Variants in ANK3 observed in about 807,000 individuals in gnomAD.
ANK3 encodes the protein ankyrin-3.
Under a neutral mutation model 370.9 loss-of-function variants are expected in ANK3, and 57 were observed. That is an observed-to-expected ratio of 0.15 (90% CI 0.12 to 0.19). The LOEUF (loss-of-function observed/expected upper bound fraction) is 0.19. Among genes scored for constraint, ANK3 ranks in the 10% least tolerant of loss-of-function variants. ANK3 has a pLI of 1.00. For synonymous variants in ANK3, 1,929 were observed against 1,946.3 expected (o/e 0.99, Z 0.23); for missense variants, 4,439 against 5,302.1 (o/e 0.84, Z 5.06).
chr10:60,620,051 GA>G (rs945095322), intron 1 of ANK3, among the ~76,000 whole-genome samples: 1 of 152,090 alleles, frequency 6.6e-6, no homozygotes, highest in African/African-American at 2.4e-5. Flanking sequence ...CCAGGAATGG[GA>G]ATTATAATAT....
chr10:60,730,501 A>G lies in ANK3; in HGVS notation c.57+2762T>C, dbSNP rs573915511. On this transcript the variant is annotated intron_variant, in intron 1 of 43. Coordinates refer to the ANK3 transcript ENST00000373827. ...ATAACTAATAACAGCTGATCTTTTAATACTTAAAACACATGTCTAGGAGAA... is the reference window on the plus strand; with the variant it reads ...ATAACTAATAACAGCTGATCTTTTAGTACTTAAAACACATGTCTAGGAGAA... 5.9e-5 allele frequency among the ~76,000 whole-genome samples: 9 copies of G among 152,338 alleles called. No individual in the cohort carries two copies. In the South Asian group the frequency reaches 1.7e-3, roughly 28 times the overall value.
chr10:60,108,758 T>G, intron 27 of ANK3, 72 bp downstream of exon 27: 246 of 1,316,644 alleles, frequency 1.9e-4, no homozygotes, highest in Non-Finnish European at 2.4e-4. Context: ...GTTATCTCCT[T>G]GAGTTAACAA....
intron 1 of ANK3, among the ~76,000 whole-genome samples, chr10:60,673,829 G>A (rs997432248): frequency 2.0e-5 from 3 of 152,164 alleles, no homozygotes; most frequent in Non-Finnish European, 4.4e-5. Context: ...TACAATGGGG[G>A]AAGGAAGAAT....
At chr10:60,418,487 G>C (rs2063714677) in intron 2 of ANK3, among the ~76,000 whole-genome samples, 1 of 151,946 alleles carries the variant, frequency 6.6e-6, no homozygotes, top group Admixed American at 6.6e-5. Context: ...TATATTTCTT[G>C]AGGAAAAGTG....
At chr10:60,051,666 T>A in intron 42 of ANK3, 12 of 278,528 alleles carry the variant, frequency 4.3e-5, no homozygotes, top group Non-Finnish European at 6.4e-5. Context: ...GTTTTCTTCT[T>A]TTTTTTTTTT....
chr10:60,530,605 C>G (rs546800374), intron 2 of ANK3, among the ~76,000 whole-genome samples: 50 of 152,222 alleles, frequency 3.3e-4, no homozygotes, highest in African/African-American at 1.2e-3. Context: ...GCCCTATGTG[C>G]CTTCCTCACC....
At chr10:60,663,199 C>G (rs1036751957) in intron 1 of ANK3, among the ~76,000 whole-genome samples, 1 of 152,140 alleles carries the variant, frequency 6.6e-6, no homozygotes, top group Non-Finnish European at 1.5e-5. Context: ...TCTTGGCCAC[C>G]AGGAGGTTTG....
intron 1 of ANK3, among the ~76,000 whole-genome samples, chr10:60,340,357 C>G (rs1331075395): frequency 6.6e-6 from 1 of 152,136 alleles, no homozygotes; most frequent in African/African-American, 2.4e-5. Context: ...CTTCAGCCTC[C>G]TAAGTAGCTG....
intron 26 of ANK3, among the ~76,000 whole-genome samples, chr10:60,111,383 G>C (rs1457856635): frequency 6.6e-6 from 1 of 152,004 alleles, no homozygotes; most frequent in Non-Finnish European, 1.5e-5. Flanking sequence ...GAGGAAAAGT[G>C]GGACTATTCA....
intron 8 of ANK3, among the ~76,000 whole-genome samples, chr10:60,219,489 T>A (rs534000930): frequency 6.6e-6 from 1 of 152,258 alleles, no homozygotes; most frequent in South Asian, 2.1e-4. Flanking sequence ...TTTGCACCCT[T>A]GGGCAATGTG....
chr10:60,223,294 C>T (rs1179285072), intron 8 of ANK3, among the ~76,000 whole-genome samples: 1 of 152,172 alleles, frequency 6.6e-6, no homozygotes, highest in Non-Finnish European at 1.5e-5. Flanking sequence ...ATTTACTGAC[C>T]TCAACCCTAC....
intron 25 of ANK3, among the ~76,000 whole-genome samples, chr10:60,118,407 G>A (rs781412611): frequency 3.9e-5 from 6 of 152,168 alleles, no homozygotes; most frequent in Admixed American, 6.5e-5. Flanking sequence ...TTTAATGAGC[G>A]AGGACACATC....
chr10:60,456,728 C>T (rs2064757896), intron 2 of ANK3, among the ~76,000 whole-genome samples: 1 of 152,156 alleles, frequency 6.6e-6, no homozygotes, highest in Non-Finnish European at 1.5e-5. Context: ...TGCTAGTCTT[C>T]CTTTGGTCCT....
chr10:60,717,147 T>C (rs956200323), intron 1 of ANK3, among the ~76,000 whole-genome samples: 1 of 152,188 alleles, frequency 6.6e-6, no homozygotes, highest in African/African-American at 2.4e-5. Flanking sequence ...CCAATCACCC[T>C]GGCAAAGGTA....
chr10:60,698,687 G>T (rs1380823441), intron 1 of ANK3, among the ~76,000 whole-genome samples: 6 of 137,326 alleles, frequency 4.4e-5, no homozygotes, highest in African/African-American at 1.6e-4. Context: ...TCACTCATAG[G>T]TGGGAATTGA....
chr10:60,056,161 A>G, intron 41 of ANK3, 125 bp from the exon 42 acceptor site: 7 of 1,191,110 alleles, frequency 5.9e-6, no homozygotes, highest in Non-Finnish European at 8.0e-6. Context: ...AAAAGTGTGA[A>G]AAGTGTGGCC....
intron 7 of ANK3, among the ~76,000 whole-genome samples, chr10:60,245,564 T>C (rs1394333038): frequency 6.6e-6 from 1 of 152,240 alleles, no homozygotes; most frequent in Non-Finnish European, 1.5e-5. Flanking sequence ...TGGATTTGCC[T>C]ATTCTAGATC....
intron 2 of ANK3, among the ~76,000 whole-genome samples, chr10:60,564,149 G>T (rs2077404619): frequency 6.6e-6 from 1 of 152,118 alleles, no homozygotes; most frequent in Admixed American, 6.5e-5. Context: ...AATGCCTACT[G>T]ACTATAAAAT....
intron 8 of ANK3, among the ~76,000 whole-genome samples, chr10:60,230,667 G>A (rs1343281767): frequency 6.6e-6 from 1 of 152,186 alleles, no homozygotes; most frequent in African/African-American, 2.4e-5. Flanking sequence ...GAGATGGGCA[G>A]ATCACGAGGT....
Sources: gnomAD v4.1 joint callset for allele counts (sites outside exome capture counted in the v4.1 genomes callset) on GRCh38, gnomAD v4.1.1 for gene constraint, MANE v1.5 for transcripts, NCBI Gene and HGNC (gene_info 2026-07-23, HGNC 2026-07-21) for gene names.